Variants in PCDHGA3 observed in about 807,000 individuals in gnomAD.
The protein encoded by PCDHGA3 is protocadherin gamma subfamily A, 3.
A neutral mutation model predicts 58.5 loss-of-function variants in PCDHGA3; 40 were observed. The observed-to-expected ratio is 0.68, with a 90% CI of 0.53 to 0.89. The LOEUF is 0.89. Among genes scored for constraint, PCDHGA3 ranks in the 40% least tolerant of loss-of-function variants. PCDHGA3 has a pLI of 0.00. For missense variants in PCDHGA3, 1,223 were observed against 1,195.9 expected, an observed-to-expected ratio of 1.02 and a Z score of -0.33; for synonymous variants, 530 against 525.7, an observed-to-expected ratio of 1.01 and a Z score of -0.11.
At position 141,362,557 on chromosome 5, in the gene PCDHGA3, G is replaced by T. The variant is rs760760208; in HGVS notation, c.2424+16100G>T. 7 of 1,611,836 alleles carry T rather than the reference G, an allele frequency of 4.3e-6. No individual in the cohort carries two copies. The Middle Eastern group carries it at 5.0e-4, about 114-fold the overall frequency. ...TTTTGCCTCAGATACTATTTTGAAG[G>T]TGAGCTTTAATTAATTTATTTTCAC... On this transcript the variant is annotated intron_variant, in intron 1 of 3. Transcript: ENST00000253812.
At chr5:141,374,144 G>A in intron 1 of PCDHGA3, 1 of 1,610,858 alleles carries the variant, frequency 6.2e-7, no homozygotes, top group Admixed American at 1.7e-5. Flanking sequence ...CACGCTCCTG[G>A]GGACGCTGTG....
intron 1 of PCDHGA3, chr5:141,356,285 C>T: frequency 6.4e-7 from 1 of 1,556,606 alleles, no homozygotes. Context: ...TCTTCTTCCC[C>T]GGGTACAGTA....
At chr5:141,360,809 C>T (rs745788999) in intron 1 of PCDHGA3, 7 of 1,613,800 alleles carry the variant, frequency 4.3e-6, no homozygotes, top group African/African-American at 2.7e-5. Flanking sequence ...CAAAGTGGCA[C>T]GACCCAAATC....
At chr5:141,419,354 C>T in intron 1 of PCDHGA3, 3 of 1,613,828 alleles carry the variant, frequency 1.9e-6, no homozygotes, top group Non-Finnish European at 1.7e-6. Flanking sequence ...CCTGGAGTCA[C>T]GAACGCTGTC....
rs1191643556 is a variant in PCDHGA3 at position 141,486,302 on chromosome 5, C to A, written c.2425-8505C>A. On this transcript the variant is annotated intron_variant, in intron 1 of 3. Transcript: ENST00000253812. The surrounding 1 kb of genome is among the most constrained non-coding windows in gnomAD (Gnocchi z 5.0). ...GGTGGCACTTATCAGTGTGCAGGAT[C>A]CAGACTCAGGGTCAAACGGAGATGT... The A allele has an allele frequency of 6.2e-7, 1 of 1,614,036 alleles. No individual in the cohort carries two copies. The highest frequency in any genetic ancestry group is 8.5e-7 in the Non-Finnish European group (1 of 1,179,994).
chr5:141,471,046 CTTTTT>C (rs1170588345), intron 1 of PCDHGA3, among the ~76,000 whole-genome samples: 2 of 113,276 alleles, frequency 1.8e-5, no homozygotes, highest in Non-Finnish European at 3.6e-5. Context: ...CCCAAGCCCT[CTTTTT>C]TTTTTTTTTT....
chr5:141,398,369 G>A (rs889057054), intron 1 of PCDHGA3: 2 of 1,428,778 alleles, frequency 1.4e-6, no homozygotes, highest in African/African-American at 2.9e-5. Context: ...AGCGCAGAGA[G>A]CGGGGAGTTG....
intron 1 of PCDHGA3, chr5:141,428,330 T>C: frequency 1.6e-6 from 1 of 628,558 alleles, no homozygotes; most frequent in Non-Finnish European, 2.9e-6. Flanking sequence ...TTGATTTCTA[T>C]GCTCTTCTTC....
chr5:141,497,412 A>G (rs963440048), intron 2 of PCDHGA3, among the ~76,000 whole-genome samples: 13 of 151,982 alleles, frequency 8.6e-5, no homozygotes, highest in African/African-American at 3.1e-4. Flanking sequence ...CTCCCATTCC[A>G]TCAAATGAGA....
chr5:141,361,085 T>A, intron 1 of PCDHGA3: 1 of 1,614,014 alleles, frequency 6.2e-7, no homozygotes, highest in Non-Finnish European at 8.5e-7. Flanking sequence ...AGTTACACTC[T>A]GAGTATCGAA....
At chr5:141,376,590 G>C (rs569935512) in intron 1 of PCDHGA3, 2 of 1,570,070 alleles carry the variant, frequency 1.3e-6, no homozygotes, top group Admixed American at 1.8e-5. Flanking sequence ...CAGCTAGATC[G>C]GCTGTTATAG....
At chr5:141,385,670 C>A in intron 1 of PCDHGA3, 1 of 420,128 alleles carries the variant, frequency 2.4e-6, no homozygotes, top group Non-Finnish European at 3.4e-6. Flanking sequence ...GAATAAAACA[C>A]ACCTCAGCTG....
intron 1 of PCDHGA3, chr5:141,415,797 C>G (rs940812419): frequency 3.9e-5 from 52 of 1,331,434 alleles, no homozygotes; most frequent in Non-Finnish European, 4.8e-5. Context: ...TTCACCTAGT[C>G]TCAATCAAGG....
Position 141,431,570 on chromosome 5 carries a change from G to T in PCDHGA3, c.2425-63237G>T. On this transcript the variant is annotated intron_variant, in intron 1 of 3. Coordinates refer to ENST00000253812, the MANE Select transcript of PCDHGA3 (RefSeq NM_018916.4). This position sits in a 1 kb window ranked among gnomAD's most constrained non-coding sequence, Gnocchi z 4.8. The stretch of plus-strand genomic sequence containing the variant: ...TGTAGTCAACGCTACCGACCCTGAC[G>T]AAGGAGTCAATGCGGAAGTGAGGTA... The T allele has an allele frequency of 6.2e-7, 1 of 1,614,172 alleles. No homozygotes were observed. Among genetic ancestry groups the T allele is most frequent in the Non-Finnish European group, 8.5e-7 (1 of 1,180,024 alleles).
intron 1 of PCDHGA3, chr5:141,415,746 T>TTG: frequency 3.0e-6 from 2 of 662,596 alleles, no homozygotes; most frequent in Non-Finnish European, 3.7e-6. Flanking sequence ...TAAGGTTTTT[T>TTG]TTTTTTTTTT....
intron 1 of PCDHGA3, chr5:141,365,732 G>T: frequency 6.2e-7 from 1 of 1,613,694 alleles, no homozygotes; most frequent in Non-Finnish European, 8.5e-7. Context: ...CAATCCCAGA[G>T]GTGTCTCTAT....
intron 1 of PCDHGA3, among the ~76,000 whole-genome samples, chr5:141,451,106 G>A (rs1204327490): frequency 1.3e-5 from 2 of 152,164 alleles, no homozygotes; most frequent in African/African-American, 4.8e-5. Context: ...GGGATTACAG[G>A]CGTGAGCCAC....
intron 1 of PCDHGA3, chr5:141,399,285 C>G (rs751998465): frequency 6.2e-7 from 1 of 1,613,838 alleles, no homozygotes; most frequent in Non-Finnish European, 8.5e-7. Flanking sequence ...AAGGCGAAGT[C>G]CCTTTTAAGA....
intron 1 of PCDHGA3, chr5:141,419,448 TC>T: frequency 6.2e-7 from 1 of 1,612,980 alleles, no homozygotes; most frequent in Non-Finnish European, 8.5e-7. Context: ...ACCTTCGAGC[TC>T]ACGCTGCAGG....
Sources: allele counts gnomAD v4.1 joint callset (sites outside exome capture counted in the v4.1 genomes callset), GRCh38; gene constraint gnomAD v4.1.1; non-coding constraint Gnocchi (gnomAD v3.1); transcripts MANE v1.5; gene names NCBI Gene and HGNC (gene_info 2026-07-23, HGNC 2026-07-21).